Variants in FRZB observed in about 807,000 individuals in gnomAD.
FRZB encodes secreted frizzled-related protein 3.
A neutral mutation model predicts 32.5 loss-of-function variants in FRZB; 34 were observed. That is an observed-to-expected ratio of 1.05 (90% confidence interval 0.80 to 1.39). FRZB has a LOEUF of 1.39. FRZB is among the 40% of genes most tolerant of loss of function. FRZB has a pLI of 0.00. For missense variants in FRZB, 423 were observed against 424.8 expected (o/e 1.00, Z 0.04); for synonymous variants, 170 against 159.2 (o/e 1.07, Z -0.51).
At position 182,834,387 on chromosome 2, in the gene FRZB, AT is replaced by A. The variant is rs1695500037; in HGVS notation, c.*461del. On this transcript the variant is annotated 3_prime_UTR_variant, in exon 6 of 6. Coordinates refer to ENST00000295113, the MANE Select transcript of FRZB (RefSeq NM_001463.4). ...TTGGAACTTTCTAAGCATGAGGAGAATGCCCAAAAGGCATACAAAAATAAGG... is the reference window on the plus strand; with the variant it reads ...TTGGAACTTTCTAAGCATGAGGAGAAGCCCAAAAGGCATACAAAAATAAGG... The A allele has an allele frequency of 6.4e-6, 1 of 155,390 alleles. No homozygotes were observed. The highest frequency in any genetic ancestry group is 6.3e-5 in the Admixed American group (1 of 15,818). 9.6% of individuals were successfully genotyped at this position (155,390 alleles called of 1,614,324 possible).
intron 1 of FRZB, among the ~76,000 whole-genome samples, chr2:182,860,167 A>C (rs1695815327): frequency 6.6e-6 from 1 of 152,218 alleles, no homozygotes; most frequent in South Asian, 2.1e-4. Context: ...TTCCATTCTT[A>C]TTCAAAGGAA....
chr2:182,844,231 T>G (rs1695615800), intron 2 of FRZB, among the ~76,000 whole-genome samples: 2 of 152,312 alleles, frequency 1.3e-5, no homozygotes, highest in South Asian at 4.1e-4. Context: ...ACACAATTTC[T>G]GTGAAGATCT....
intron 1 of FRZB, among the ~76,000 whole-genome samples, chr2:182,865,667 T>C (rs1348283924): frequency 6.6e-6 from 1 of 152,170 alleles, no homozygotes; most frequent in African/African-American, 2.4e-5. Context: ...ATGACTGAGA[T>C]TGCCTGAGAA....
chr2:182,866,472 C>T lies in FRZB; in HGVS notation c.81G>A (p.Val27=). The part of the protein sequence containing the change: ...LALAALCLLR[V]PGARAAACEP... ...CACAGGCTGCAGCCCGAGCCCCGGG[C>T]ACCCGGAGCAGGCAGAGAGCAGCCA... The change falls in exon 1 of 6, where the codon GTG becomes GTA. Residue 27 remains valine (V), a synonymous_variant. Transcript: ENST00000295113. This position sits in a 1 kb window ranked among gnomAD's most constrained non-coding sequence, Gnocchi z 4.5. 1.3e-6 allele frequency: 2 copies of T among 1,560,782 alleles called. No individual in the cohort carries two copies. The highest frequency in any genetic ancestry group is 1.2e-5 in the South Asian group (1 of 83,310).
chr2:182,835,065 G>A, intron 5 of FRZB, 100 bp from the exon 6 acceptor site: 2 of 832,872 alleles, frequency 2.4e-6, no homozygotes, highest in South Asian at 1.5e-5. Context: ...TCAGATCTCT[G>A]AAGCATTTTG....
intron 3 of FRZB, among the ~76,000 whole-genome samples, chr2:182,839,076 T>C (rs1695559161): frequency 1.3e-5 from 2 of 152,120 alleles, no homozygotes. Context: ...CACTGTTTTA[T>C]CAGGTCCATT....
chr2:182,861,577 A>T (rs1360951496), intron 1 of FRZB, among the ~76,000 whole-genome samples: 1 of 152,260 alleles, frequency 6.6e-6, no homozygotes, highest in Non-Finnish European at 1.5e-5. Flanking sequence ...TGTCAATGTC[A>T]AGCGACTAGT....
chr2:182,846,442 GA>G (rs957830589), intron 2 of FRZB, among the ~76,000 whole-genome samples: 1 of 151,972 alleles, frequency 6.6e-6, no homozygotes, highest in East Asian at 1.9e-4. Flanking sequence ...TTTTTTCTAG[GA>G]AAAAAAGCCT....
chr2:182,848,305 A>T (rs922210547), intron 2 of FRZB, among the ~76,000 whole-genome samples: 2 of 152,184 alleles, frequency 1.3e-5, no homozygotes, highest in African/African-American at 4.8e-5. Flanking sequence ...CCTTATCATC[A>T]CAGCTATCAA....
chr2:182,847,107 G>T (rs1360128192), intron 2 of FRZB, among the ~76,000 whole-genome samples: 2 of 152,212 alleles, frequency 1.3e-5, no homozygotes, highest in Non-Finnish European at 2.9e-5. Flanking sequence ...AGACAATCCA[G>T]AAGAGGATAA....
intron 1 of FRZB, among the ~76,000 whole-genome samples, chr2:182,862,022 T>C (rs1221481670): frequency 1.3e-5 from 2 of 152,220 alleles, no homozygotes; most frequent in Admixed American, 1.3e-4. Context: ...TAATCTAAAA[T>C]TTCCATTTCT....
At chr2:182,865,351 A>T (rs1016008690) in intron 1 of FRZB, among the ~76,000 whole-genome samples, 2 of 152,208 alleles carry the variant, frequency 1.3e-5, no homozygotes, top group Non-Finnish European at 1.5e-5. Flanking sequence ...AGAGCTCAGT[A>T]ATTTCAGTCT....
At chr2:182,862,580 C>T (rs764419064) in intron 1 of FRZB, among the ~76,000 whole-genome samples, 2 of 151,992 alleles carry the variant, frequency 1.3e-5, no homozygotes, top group Non-Finnish European at 2.9e-5. Flanking sequence ...TTGTTTTTCC[C>T]CAGAGATGAA....
chr2:182,834,105 G>A lies in FRZB; in HGVS notation c.*744C>T, dbSNP rs1695497046. 1 of 152,158 alleles carries A rather than the reference G, an allele frequency of 6.6e-6. No homozygotes were observed. The highest frequency in any genetic ancestry group is 2.4e-5 in the African/African-American group (1 of 41,450). 9.4% of individuals were successfully genotyped at this position (152,158 alleles called of 1,614,324 possible). A position where few individuals can be genotyped will look rare whatever the true frequency, so the allele number is the denominator to read the frequency against. On this transcript the variant is annotated 3_prime_UTR_variant, in exon 6 of 6. Coordinates refer to ENST00000295113, the MANE Select transcript of FRZB (RefSeq NM_001463.4). ...AGTTATAATTCATTTCTCTAATGCT[G>A]ATTAATATATTCATGAACAAATCAA... is the stretch of plus-strand genomic sequence containing the variant.
intron 2 of FRZB, 109 bp from the exon 3 acceptor site, chr2:182,842,652 G>T (rs754827635): frequency 4.0e-6 from 3 of 753,558 alleles, no homozygotes; most frequent in Non-Finnish European, 6.8e-6. Context: ...TGGTGAGAAG[G>T]CTCTTGTCAA....
intron 1 of FRZB, among the ~76,000 whole-genome samples, chr2:182,865,295 T>A (rs1035493724): frequency 6.6e-6 from 1 of 152,204 alleles, no homozygotes; most frequent in African/African-American, 2.4e-5. Context: ...TCCTTTCATC[T>A]GTATGCCACT....
chr2:182,843,696 TG>T (rs1477313766), intron 2 of FRZB, among the ~76,000 whole-genome samples: 1 of 152,008 alleles, frequency 6.6e-6, no homozygotes, highest in East Asian at 1.9e-4. Context: ...GCCAACATGG[TG>T]GGGGAAAAAA....
chr2:182,835,661 A>G (rs1695516726), intron 5 of FRZB, among the ~76,000 whole-genome samples: 1 of 152,160 alleles, frequency 6.6e-6, no homozygotes, highest in South Asian at 2.1e-4. Flanking sequence ...GAGGATAGGT[A>G]GGGAATACGA....
At chr2:182,835,173 A>T (rs538435613) in intron 5 of FRZB, among the ~76,000 whole-genome samples, 15 of 152,098 alleles carry the variant, frequency 9.9e-5, no homozygotes, top group Non-Finnish European at 2.2e-4. Flanking sequence ...AACATCTATA[A>T]TGTATTTAGT....
Sources: allele counts gnomAD v4.1 joint callset (sites outside exome capture counted in the v4.1 genomes callset), GRCh38; gene constraint gnomAD v4.1.1; non-coding constraint Gnocchi (gnomAD v3.1); transcripts MANE v1.5; gene names NCBI Gene and HGNC (gene_info 2026-07-23, HGNC 2026-07-21).